SNRPN: variants seen among roughly 807,000 people sequenced by gnomAD.
SNRPN encodes the protein small nuclear ribonucleoprotein-associated protein N.
SNRPN carries 7 observed loss-of-function variants against 25.2 expected under a neutral mutation model. The ratio of observed to expected loss-of-function variants is 0.28; its 90% CI spans 0.16 to 0.52. The LOEUF (loss-of-function observed/expected upper bound fraction) is 0.52, where lower values mean the gene tolerates loss of function less well. Ranked by LOEUF, SNRPN falls within the 20% of genes least tolerant of loss-of-function variation. The pLI, the probability that SNRPN is intolerant of heterozygous loss-of-function variation, is 0.96. For synonymous variants in SNRPN, 124 were observed against 110.6 expected (o/e 1.12, Z -0.76); for missense variants, 196 against 322.5 (o/e 0.61, Z 3.00).
chr15:24,886,330 T>G (rs983174379), intron 1 of SNRPN, among the ~76,000 whole-genome samples: 52 of 152,306 alleles, frequency 3.4e-4, no homozygotes, highest in African/African-American at 1.2e-3. Flanking sequence ...GTCCCCACCC[T>G]GTTCCTTGGC....
At chr15:24,890,988 G>A (rs990303636) in intron 2 of SNRPN, among the ~76,000 whole-genome samples, 23 of 151,836 alleles carry the variant, frequency 1.5e-4, no homozygotes, top group African/African-American at 3.6e-4. Context: ...TCAGCTCACT[G>A]CAACCTCCAC....
chr15:24,975,880 G>A (rs1485641705), intron 5 of SNRPN, among the ~76,000 whole-genome samples: 1 of 152,040 alleles, frequency 6.6e-6, no homozygotes, highest in African/African-American at 2.4e-5. Flanking sequence ...TGAGGAGTTG[G>A]GATATGGTTG....
At position 24,929,031 on chromosome 15, in the gene SNRPN, A is replaced by G. The variant is rs1484180069; in HGVS notation, c.-391+8907A>G. The stretch of plus-strand genomic sequence containing the variant: ...TTTTTTCCAAGGAATCCTGATTTCT[A>G]TTGTGGAGAAGCGTACTTAGAAACC... On this transcript the variant is annotated intron_variant, in intron 3 of 11. Transcript: ENST00000400097. This position sits in a 1 kb window ranked among gnomAD's most constrained non-coding sequence, Gnocchi z 5.3. Among the ~76,000 whole-genome samples the G allele has an allele frequency of 1.3e-5, 2 of 152,078 alleles. No individual in the cohort carries two copies. Among genetic ancestry groups the G allele is most frequent in the South Asian group, 2.1e-4 (1 of 4,818 alleles).
chr15:24,954,057 CTA>C (rs1225890442), upstream of SNRPN, among the ~76,000 whole-genome samples: 14 of 152,314 alleles, frequency 9.2e-5, no homozygotes, highest in Middle Eastern at 3.4e-3. Flanking sequence ...TGTGTAAAAA[CTA>C]TGCAGATGCA....
rs565804844 is a variant in SNRPN, at chr15:24,885,539, TA to T, written c.-578-975del. Reference sequence around the variant, plus strand: ...CATTTATAAATTTGTTTGAATAATTTAACCATTTTGCTTTTATTAGCTATTT... The same window carrying T: ...CATTTATAAATTTGTTTGAATAATTTACCATTTTGCTTTTATTAGCTATTT... On this transcript the variant is annotated intron_variant, in intron 1 of 11. Coordinates refer to the SNRPN transcript ENST00000400097. Among the ~76,000 whole-genome samples the T allele has an allele frequency of 6.5e-3, 996 of 152,344 alleles. 9 individuals carry two copies. The highest frequency in any genetic ancestry group is 0.023 in the African/African-American group (955 of 41,576).
At chr15:24,833,637 G>A (rs902900319) in intron 2 of SNRPN, among the ~76,000 whole-genome samples, 1 of 152,082 alleles carries the variant, frequency 6.6e-6, no homozygotes, top group African/African-American at 2.4e-5. Flanking sequence ...CATAGAGGAA[G>A]AAGGCGATGT....
intron 1 of SNRPN, among the ~76,000 whole-genome samples, chr15:24,880,859 T>C (rs2056509369): frequency 6.6e-6 from 1 of 152,068 alleles, no homozygotes; most frequent in Non-Finnish European, 1.5e-5. Context: ...TTCTTGTGCC[T>C]CACTACCGGG....
chr15:24,962,427 C>T (rs376487577), intron 2 of SNRPN, among the ~76,000 whole-genome samples: 15 of 152,130 alleles, frequency 9.9e-5, no homozygotes, highest in Middle Eastern at 3.2e-3. Context: ...TTTTCCTATA[C>T]GTGGGTAAGT....
intron 2 of SNRPN, among the ~76,000 whole-genome samples, chr15:24,899,931 T>C (rs2058341885): frequency 6.6e-6 from 1 of 152,170 alleles, no homozygotes; most frequent in Non-Finnish European, 1.5e-5. Flanking sequence ...TCCACAGAGA[T>C]GAATCTGGGA....
intron 1 of SNRPN, among the ~76,000 whole-genome samples, chr15:24,879,692 A>G (rs1229464304): frequency 6.6e-6 from 1 of 152,190 alleles, no homozygotes; most frequent in Non-Finnish European, 1.5e-5. Flanking sequence ...CTGAGGGTCA[A>G]ATTCTGCCCA....
intron 2 of SNRPN, among the ~76,000 whole-genome samples, chr15:24,839,082 G>A (rs770405513): frequency 3.9e-5 from 6 of 152,052 alleles, no homozygotes; most frequent in Non-Finnish European, 5.9e-5. Flanking sequence ...ATCAAGCTCA[G>A]TGTTTCCCAA....
At chr15:24,968,163 C>A in intron 3 of SNRPN, 81 bp downstream of exon 3, 1 of 844,794 alleles carries the variant, frequency 1.2e-6, no homozygotes, top group Non-Finnish European at 1.9e-6. Context: ...TTATCAGTGA[C>A]ACATTAATTT....
At chr15:24,865,867 A>T (rs1200470957) in intron 1 of SNRPN, among the ~76,000 whole-genome samples, 1 of 152,162 alleles carries the variant, frequency 6.6e-6, no homozygotes, top group East Asian at 1.9e-4. Context: ...TTCCTGTCCC[A>T]TCATGACTGG....
intron 3 of SNRPN, among the ~76,000 whole-genome samples, chr15:24,944,180 C>A (rs1002308230): frequency 1.3e-5 from 2 of 152,130 alleles, no homozygotes; most frequent in African/African-American, 4.8e-5. Context: ...TATGTTGCAG[C>A]CTGGACCTGT....
At chr15:24,840,786 TTGTGCC>T (rs2051621957) in intron 2 of SNRPN, among the ~76,000 whole-genome samples, 1 of 152,182 alleles carries the variant, frequency 6.6e-6, no homozygotes, top group South Asian at 2.1e-4. Flanking sequence ...TTGGCATTCA[TTGTGCC>T]CATGGCCTTT....
chr15:24,928,134 A>T (rs1406752974), intron 3 of SNRPN, among the ~76,000 whole-genome samples: 2 of 152,236 alleles, frequency 1.3e-5, no homozygotes, highest in Admixed American at 1.3e-4. Flanking sequence ...TTTGGTGGGA[A>T]TGTGAATTAG....
intron 3 of SNRPN, among the ~76,000 whole-genome samples, chr15:24,949,328 T>C (rs2062087945): frequency 6.6e-6 from 1 of 152,044 alleles, no homozygotes. Flanking sequence ...GGCCTGGATT[T>C]GCCAATCCTT....
chr15:24,911,072 T>A, intron 2 of SNRPN: 1 of 1,510,238 alleles, frequency 6.6e-7, no homozygotes, highest in Non-Finnish European at 9.0e-7. Context: ...TCTTCTTGTG[T>A]TTCCTCTTCT....
chr15:24,836,342 C>T (rs750475388), intron 2 of SNRPN, among the ~76,000 whole-genome samples: 1 of 152,066 alleles, frequency 6.6e-6, no homozygotes, highest in Non-Finnish European at 1.5e-5. Context: ...TAATACCTTT[C>T]CTTCACCTGC....
Sources: allele counts gnomAD v4.1 joint callset (sites outside exome capture counted in the v4.1 genomes callset), GRCh38; gene constraint gnomAD v4.1.1; non-coding constraint Gnocchi (gnomAD v3.1); transcripts MANE v1.5; gene names NCBI Gene and HGNC (gene_info 2026-07-23, HGNC 2026-07-21).